Variants in SLC2A9 observed in about 807,000 individuals in gnomAD.
The protein encoded by SLC2A9 is solute carrier family 2 member 9.
SLC2A9 carries 39 observed loss-of-function variants against 50.6 expected under a neutral mutation model. The ratio of observed to expected loss-of-function variants is 0.77; its 90% CI spans 0.60 to 1.01. The LOEUF (loss-of-function observed/expected upper bound fraction) is 1.01, where lower values mean the gene tolerates loss of function less well. Among genes scored for constraint, SLC2A9 ranks in the 50% least tolerant of loss-of-function variants. The pLI, the probability that SLC2A9 is intolerant of heterozygous loss-of-function variation, is 0.00. For missense variants in SLC2A9, 686 were observed against 677.6 expected, an observed-to-expected ratio of 1.01 and a Z score of -0.14; for synonymous variants, 324 against 276.9, an observed-to-expected ratio of 1.17 and a Z score of -1.69.
rs149964827 is a variant in SLC2A9, at chr4:10,000,797, C to A, written c.250-3856G>T. On this transcript the variant is annotated intron_variant, in intron 2 of 11. Coordinates refer to ENST00000264784, the MANE Select transcript of SLC2A9 (RefSeq NM_020041.3). ...TGGGACCCATCAGCCTGTACCTCTG[C>A]CCCTGAATTCCTTTCCTTTATCTGT... 2.0e-5 allele frequency among the ~76,000 whole-genome samples: 3 copies of A among 152,260 alleles called. No individual in the cohort carries two copies. In the East Asian group the frequency reaches 5.8e-4, roughly 29 times the overall value.
At chr4:9,779,528 C>T (rs1411397704), downstream of SLC2A9, among the ~76,000 whole-genome samples, 1 of 151,762 alleles carries the variant, frequency 6.6e-6, no homozygotes, top group African/African-American at 2.4e-5. Flanking sequence ...CATTCTCCTG[C>T]CTCAGCCTCC....
intron 10 of SLC2A9, among the ~76,000 whole-genome samples, chr4:9,869,282 A>C (rs1164758986): frequency 6.6e-6 from 1 of 152,210 alleles, no homozygotes; most frequent in Non-Finnish European, 1.5e-5. Context: ...ATCAATTCTC[A>C]CATGCAAACC....
At chr4:9,826,812 A>C (rs899661740) in intron 11 of SLC2A9, among the ~76,000 whole-genome samples, 1 of 152,230 alleles carries the variant, frequency 6.6e-6, no homozygotes, top group African/African-American at 2.4e-5. Context: ...AACTCTGGGA[A>C]AGATGAGAAA....
intron 10 of SLC2A9, among the ~76,000 whole-genome samples, chr4:9,862,379 T>C (rs1731792675): frequency 1.3e-5 from 2 of 152,210 alleles, no homozygotes; most frequent in African/African-American, 4.8e-5. Context: ...TTACTGTTCT[T>C]TCTCGAAGCT....
rs150879988 is a variant in SLC2A9, at chr4:9,880,799, T to C, written c.1291+6768A>G. Reference sequence around the variant, plus strand: ...TTGCCCTCATGACCTGCACTTATCATAGTGGCAATGCCCACACCTTTGCAG... The same window carrying C: ...TTGCCCTCATGACCTGCACTTATCACAGTGGCAATGCCCACACCTTTGCAG... On this transcript the variant is annotated intron_variant, in intron 10 of 11. Transcript: ENST00000264784. Among the ~76,000 whole-genome samples, 1,379 of 152,344 alleles carry C rather than the reference T, an allele frequency of 9.1e-3. 21 individuals are homozygous for C. The highest frequency in any genetic ancestry group is 0.032 in the African/African-American group (1,323 of 41,576).
At chr4:9,978,303 T>C (rs1039130553) in intron 5 of SLC2A9, among the ~76,000 whole-genome samples, 1 of 152,066 alleles carries the variant, frequency 6.6e-6, no homozygotes, top group African/African-American at 2.4e-5. Context: ...GGTGAATGAA[T>C]AAATAAAGGG....
At chr4:9,981,036 G>A (rs1317638929) in intron 4 of SLC2A9, among the ~76,000 whole-genome samples, 2 of 152,006 alleles carry the variant, frequency 1.3e-5, no homozygotes, top group African/African-American at 4.8e-5. Context: ...CGTGATGGTA[G>A]TGATGGTGGT....
At chr4:9,821,665 G>A (rs1418191153), downstream of SLC2A9, among the ~76,000 whole-genome samples, 1 of 152,150 alleles carries the variant, frequency 6.6e-6, no homozygotes, top group Non-Finnish European at 1.5e-5. Flanking sequence ...GAAATTGTGT[G>A]CCTTTGTTTA....
At chr4:9,774,037 C>T (rs1462603552) in intron 1 of SLC2A9, among the ~76,000 whole-genome samples, 3 of 150,030 alleles carry the variant, frequency 2.0e-5, no homozygotes, top group Admixed American at 2.0e-4. Context: ...TCTCATCTCC[C>T]AGGCTGGAGT....
chr4:9,948,412 C>A (rs1749593122), intron 5 of SLC2A9, among the ~76,000 whole-genome samples: 1 of 152,188 alleles, frequency 6.6e-6, no homozygotes. Flanking sequence ...TATTTGACGG[C>A]CACTGTCCTA....
At chr4:10,015,459 G>T (rs796614318) in intron 2 of SLC2A9, among the ~76,000 whole-genome samples, 4 of 152,320 alleles carry the variant, frequency 2.6e-5, no homozygotes, top group African/African-American at 7.2e-5. Flanking sequence ...GGTAACATCA[G>T]TAATTAACTA....
Position 9,958,374 on chromosome 4 carries a change from C to T in SLC2A9, c.682-16329G>A, listed in dbSNP as rs112796786. Among the ~76,000 whole-genome samples the T allele has an allele frequency of 2.2e-3, 329 of 152,266 alleles. 1 individual carries two copies. The highest frequency in any genetic ancestry group is 7.2e-3 in the African/African-American group (299 of 41,548). On this transcript the variant is annotated intron_variant, in intron 5 of 11. Transcript: ENST00000264784. ...GGATGAATCTGGAAACTATCATCCTCAGCAAACTAACAAAGGAACAGAAAA... is the reference window on the plus strand; with the variant it reads ...GGATGAATCTGGAAACTATCATCCTTAGCAAACTAACAAAGGAACAGAAAA...
chr4:9,804,991 T>C (rs1409174855), intron 3 of SLC2A9, among the ~76,000 whole-genome samples: 1 of 152,166 alleles, frequency 6.6e-6, no homozygotes, highest in African/African-American at 2.4e-5. Context: ...GAGGAGATGA[T>C]GGGGCCCCAG....
At chr4:9,853,893 C>T (rs1481968498) in intron 10 of SLC2A9, among the ~76,000 whole-genome samples, 3 of 152,062 alleles carry the variant, frequency 2.0e-5, no homozygotes, top group African/African-American at 7.2e-5. Context: ...TCCTGAATGA[C>T]TTTTGGGTGA....
chr4:9,851,868 TAAAG>T (rs1194279830), intron 10 of SLC2A9, among the ~76,000 whole-genome samples: 2 of 151,328 alleles, frequency 1.3e-5, no homozygotes, highest in African/African-American at 4.9e-5. Flanking sequence ...TCAACAAAAA[TAAAG>T]AAAAAAGAAT....
intron 8 of SLC2A9, 70 bp from the exon 9 acceptor site, chr4:9,890,781 T>C (rs984704029): frequency 7.2e-7 from 1 of 1,380,432 alleles, no homozygotes; most frequent in South Asian, 1.2e-5. Context: ...AATGTGGCAC[T>C]GGGAACCGGC....
chr4:9,936,411 T>C (rs1196736587), intron 6 of SLC2A9, among the ~76,000 whole-genome samples: 1 of 152,124 alleles, frequency 6.6e-6, no homozygotes, highest in African/African-American at 2.4e-5. Context: ...CTCTGCTAAC[T>C]CTCAGCTAAC....
At chr4:9,944,184 G>A (rs1321175069) in intron 5 of SLC2A9, among the ~76,000 whole-genome samples, 1 of 152,304 alleles carries the variant, frequency 6.6e-6, no homozygotes, top group East Asian at 1.9e-4. Flanking sequence ...GAAGGTCAGG[G>A]GATGCCGGAG....
Position 9,975,791 on chromosome 4 carries a change from G to A in SLC2A9, c.681+4801C>T, listed in dbSNP as rs138641788. 2.3e-3 allele frequency among the ~76,000 whole-genome samples: 344 copies of A among 152,268 alleles called. 1 individual carries two copies. Among genetic ancestry groups the A allele is most frequent in the African/African-American group, 7.9e-3 (329 of 41,552 alleles). ...AAATTATTCTACCAAAAAGAGTGAT[G>A]CACTCATATGTTCATGGCACCACTA... On this transcript the variant is annotated intron_variant, in intron 5 of 11. Coordinates refer to ENST00000264784, the MANE Select transcript of SLC2A9 (RefSeq NM_020041.3).
Sources: gnomAD v4.1 joint callset for allele counts (sites outside exome capture counted in the v4.1 genomes callset) on GRCh38, gnomAD v4.1.1 for gene constraint, MANE v1.5 for transcripts, NCBI Gene and HGNC (gene_info 2026-07-23, HGNC 2026-07-21) for gene names.